TOX3: variants seen among roughly 807,000 people sequenced by gnomAD.
The protein encoded by TOX3 is TOX high mobility group box family member 3.
Under a neutral mutation model 64.3 loss-of-function variants are expected in TOX3, and 22 were observed. The observed-to-expected ratio is 0.34, with a 90% confidence interval of 0.24 to 0.49. The LOEUF is 0.49. TOX3 is among the 20% of genes least tolerant of loss of function. The pLI is 0.99. For missense variants in TOX3, 661 were observed against 714.4 expected (o/e 0.93, Z 0.85); for synonymous variants, 291 against 273.6 (o/e 1.06, Z -0.63).
At chr16:52,445,867 T>A in intron 5 of TOX3, 127 bp downstream of exon 5, 1 of 884,184 alleles carries the variant, frequency 1.1e-6, no homozygotes, top group Non-Finnish European at 1.7e-6. Context: ...TTAAATTCCA[T>A]TGCTTAGAAA....
At chr16:52,476,555 A>G (rs1018544046) in intron 1 of TOX3, among the ~76,000 whole-genome samples, 1 of 151,924 alleles carries the variant, frequency 6.6e-6, no homozygotes, top group African/African-American at 2.4e-5. Context: ...CAAGCAACCA[A>G]TCATCACCAA....
At chr16:52,520,038 C>T (rs1289874063) in intron 1 of TOX3, among the ~76,000 whole-genome samples, 2 of 150,700 alleles carry the variant, frequency 1.3e-5, no homozygotes, top group Non-Finnish European at 3.0e-5. Context: ...GCTACAAATA[C>T]AATGCCCCAA....
At chr16:52,490,883 C>T (rs1462894857) in intron 1 of TOX3, among the ~76,000 whole-genome samples, 1 of 152,070 alleles carries the variant, frequency 6.6e-6, no homozygotes, top group Non-Finnish European at 1.5e-5. Flanking sequence ...CCCACCTCAG[C>T]CTCCCAAAAT....
At chr16:52,483,533 A>G (rs1961421742) in intron 1 of TOX3, among the ~76,000 whole-genome samples, 1 of 147,352 alleles carries the variant, frequency 6.8e-6, no homozygotes, top group Admixed American at 6.8e-5. Context: ...AAAATGGTAA[A>G]GTTGCTTCCT....
At chr16:52,517,215 ATCCTAATTCACT>A (rs200591249) in intron 1 of TOX3, among the ~76,000 whole-genome samples, 2,163 of 152,332 alleles carry the variant, frequency 0.014, 71 homozygotes, top group African/African-American at 0.049. Flanking sequence ...TTCAGAGAGT[ATCCTAATTCACT>A]TCCTAATTCA....
chr16:52,490,647 T>TTTTTTTTTTTTTTA (rs1555484775), intron 1 of TOX3, among the ~76,000 whole-genome samples: 2 of 146,630 alleles, frequency 1.4e-5, no homozygotes. Flanking sequence ...TTTTTTTTTT[T>TTTTTTTTTTTTTTA]AATACAGGGT....
chr16:52,511,562 A>G (rs1032250998), intron 1 of TOX3, among the ~76,000 whole-genome samples: 1 of 152,216 alleles, frequency 6.6e-6, no homozygotes, highest in Non-Finnish European at 1.5e-5. Context: ...AAGAGTGACT[A>G]TAAGATGTCC....
chr16:52,466,125 A>G (rs1003362379), intron 2 of TOX3, among the ~76,000 whole-genome samples: 2 of 152,356 alleles, frequency 1.3e-5, no homozygotes, highest in Admixed American at 1.3e-4. Flanking sequence ...CTACCCCATT[A>G]CTGCTTAATG....
intron 6 of TOX3, among the ~76,000 whole-genome samples, chr16:52,441,306 G>T (rs911790074): frequency 2.0e-5 from 3 of 152,140 alleles, no homozygotes; most frequent in Non-Finnish European, 4.4e-5. Flanking sequence ...ATACCAAATT[G>T]AAGTTTTCAC....
intron 1 of TOX3, among the ~76,000 whole-genome samples, chr16:52,537,457 C>T (rs937128982): frequency 6.6e-6 from 1 of 152,210 alleles, no homozygotes; most frequent in Non-Finnish European, 1.5e-5. Context: ...AGCACAGGCT[C>T]ATTTTGGTTT....
At chr16:52,546,158 T>G (rs1963177632) in intron 1 of TOX3, among the ~76,000 whole-genome samples, 3 of 151,776 alleles carry the variant, frequency 2.0e-5, no homozygotes, top group African/African-American at 7.2e-5. Flanking sequence ...TTTGTTCCTT[T>G]CCGTCCGTAA....
At chr16:52,521,251 A>G (rs181301599) in intron 1 of TOX3, among the ~76,000 whole-genome samples, 97 of 152,340 alleles carry the variant, frequency 6.4e-4, no homozygotes, top group Middle Eastern at 3.4e-3. Flanking sequence ...CTTTCTATGT[A>G]ATTCAATATG....
intron 5 of TOX3, 162 bp from the exon 6 acceptor site, chr16:52,444,518 CA>C: frequency 4.5e-6 from 2 of 447,364 alleles, no homozygotes; most frequent in East Asian, 3.3e-5. Flanking sequence ...CACACACACA[CA>C]CACACACACA....
chr16:52,505,794 T>C (rs893107849), intron 1 of TOX3, among the ~76,000 whole-genome samples: 5 of 152,034 alleles, frequency 3.3e-5, no homozygotes, highest in Admixed American at 1.3e-4. Context: ...CTGGGCAACA[T>C]AGGGAGACCC....
intron 1 of TOX3, among the ~76,000 whole-genome samples, chr16:52,522,074 G>C (rs768910625): frequency 5.9e-5 from 9 of 152,160 alleles, no homozygotes; most frequent in Non-Finnish European, 1.3e-4. Context: ...TATTAATACA[G>C]ATAGAGTACT....
At chr16:52,446,566 A>C (rs893690631) in intron 4 of TOX3, among the ~76,000 whole-genome samples, 4 of 152,256 alleles carry the variant, frequency 2.6e-5, no homozygotes, top group Admixed American at 2.0e-4. Flanking sequence ...TTATATCTTC[A>C]GAGGTTTTAG....
In TOX3 at chr16:52,473,346, G is replaced by A. The variant is rs116730637; in HGVS notation, c.88-4772C>T. Among the ~76,000 whole-genome samples, 569 of 150,598 alleles carry A rather than the reference G, an allele frequency of 3.8e-3. 4 individuals carry two copies. The highest frequency in any genetic ancestry group is 0.013 in the African/African-American group (538 of 40,276). ...ACTACAGGGTCTCAAACAGCTAAAT[G>A]GCACAAACTTAATCCTAAAAAAAAA... is the stretch of plus-strand genomic sequence containing the variant. On this transcript the variant is annotated intron_variant, in intron 1 of 6. Coordinates refer to ENST00000219746, the MANE Select transcript of TOX3 (RefSeq NM_001080430.4).
chr16:52,541,414 A>T (rs1468293444), intron 1 of TOX3, among the ~76,000 whole-genome samples: 2 of 152,192 alleles, frequency 1.3e-5, no homozygotes, highest in African/African-American at 4.8e-5. Flanking sequence ...TCTGAATATG[A>T]GACAGGCTGT....
chr16:52,498,472 C>T (rs1567336463), intron 1 of TOX3, among the ~76,000 whole-genome samples: 3 of 152,194 alleles, frequency 2.0e-5, no homozygotes. Flanking sequence ...TTGCAGCAAA[C>T]TGGGCTGGGA....
Sources: allele counts gnomAD v4.1 joint callset (sites outside exome capture counted in the v4.1 genomes callset), GRCh38; gene constraint gnomAD v4.1.1; transcripts MANE v1.5; gene names NCBI Gene and HGNC (gene_info 2026-07-23, HGNC 2026-07-21).